The following AP2A1 variants were observed in gnomAD, a reference collection of about 807,000 sequenced individuals.
AP2A1 encodes the protein adaptor related protein complex 2 subunit alpha 1.
AP2A1 carries 21 observed loss-of-function variants against 107.3 expected under a neutral mutation model. The ratio of observed to expected loss-of-function variants is 0.20; its 90% CI spans 0.14 to 0.28. The LOEUF (loss-of-function observed/expected upper bound fraction) is 0.28, where lower values mean the gene tolerates loss of function less well. Ranked by LOEUF, AP2A1 falls within the 10% of genes least tolerant of loss-of-function variation. The pLI is 1.00. For synonymous variants in AP2A1, 602 were observed against 564.8 expected (o/e 1.07, Z -0.93); for missense variants, 873 against 1,307.7 (o/e 0.67, Z 5.13).
rs2084731157 is a variant in AP2A1 at position 49,785,915 on chromosome 19, T to G, written c.473+3191T>G. 6.7e-6 allele frequency among the ~76,000 whole-genome samples: 1 copy of G among 148,212 alleles called. No individual in the cohort carries two copies. Among genetic ancestry groups the G allele is most frequent in the African/African-American group, 2.5e-5 (1 of 40,170 alleles). The stretch of plus-strand genomic sequence containing the variant: ...CTGGGTGACAGAGCGAGACTCCATC[T>G]CAAAAAAAAAAAACATTAGTGGGGT... On this transcript the variant is annotated intron_variant, in intron 4 of 22. Coordinates refer to ENST00000354293, the MANE Select transcript of AP2A1 (RefSeq NM_130787.3). This position sits in a 1 kb window ranked among gnomAD's most constrained non-coding sequence, Gnocchi z 4.1.
At position 49,767,115 on chromosome 19, in the gene AP2A1, A is replaced by G. The variant is rs532037606; in HGVS notation, c.-19A>G. The G allele has an allele frequency of 1.9e-6, 3 of 1,610,004 alleles. No individual in the cohort carries two copies. The African/African-American group carries it at 4.0e-5, about 22-fold the overall frequency. On this transcript the variant is annotated 5_prime_UTR_variant, in exon 1 of 23. Coordinates refer to ENST00000354293, the MANE Select transcript of AP2A1 (RefSeq NM_130787.3). ...CTGTGCCCTGTCCGGCCAGGCCTGGAGCCGACACCACCGCCATCATGCCGG... is the reference window on the plus strand; with the variant it reads ...CTGTGCCCTGTCCGGCCAGGCCTGGGGCCGACACCACCGCCATCATGCCGG...
chr19:49,800,899 C>A (rs2073269996), intron 11 of AP2A1, 62 bp from the exon 12 acceptor site: 3 of 1,415,616 alleles, frequency 2.1e-6, no homozygotes, highest in African/African-American at 2.9e-5. Context: ...GTGGCTGCAC[C>A]CACCGATCCC....
chr19:49,779,499 A>AC (rs1179517555), intron 1 of AP2A1, among the ~76,000 whole-genome samples: 6 of 150,932 alleles, frequency 4.0e-5, no homozygotes, highest in South Asian at 2.1e-4. Flanking sequence ...AAAAAAAAAA[A>AC]AAAAAAAAAA....
At chr19:49,799,205 A>G (rs1257111837) in intron 8 of AP2A1, 122 bp from the exon 9 acceptor site, 13 of 1,275,666 alleles carry the variant, frequency 1.0e-5, no homozygotes, top group Admixed American at 7.1e-5. Context: ...CTGCGATGCA[A>G]GGCCGGCAAG....
chr19:49,787,338 G>GT (rs1418425703), intron 4 of AP2A1, among the ~76,000 whole-genome samples: 967 of 89,542 alleles, frequency 0.011, 65 homozygotes, highest in African/African-American at 0.024. Context: ...TTTTTTGTTT[G>GT]TTTTTTTTGT....
At chr19:49,804,760 T>A (rs984656257) in intron 18 of AP2A1, 2 of 152,238 alleles carry the variant, frequency 1.3e-5, no homozygotes, top group African/African-American at 2.4e-5. Flanking sequence ...TTTCTTTTTT[T>A]AAATAGAGTT....
At chr19:49,795,003 G>A (rs763136635) in intron 6 of AP2A1, among the ~76,000 whole-genome samples, 8 of 152,240 alleles carry the variant, frequency 5.3e-5, no homozygotes, top group African/African-American at 1.4e-4. Flanking sequence ...CCTCTTCCCC[G>A]AACCTCTTCC....
chr19:49,802,989 G>T lies in AP2A1; in HGVS notation c.2155G>T (p.Asp719Tyr), dbSNP rs1355200810. Residue 719 changes from aspartate to tyrosine, a missense_variant, in exon 16 of 23, where the codon GAT becomes TAT. Asp to Tyr is a radical substitution (Grantham distance 160). This residue lies in a region of AP2A1 where 416 missense variants were observed against 473.4 expected (regional missense o/e 0.88). Coordinates refer to ENST00000354293, the MANE Select transcript of AP2A1 (RefSeq NM_130787.3). Reference sequence around the variant, plus strand: ...CATCGGCCCTCCCATTCCGGAAGCCGATGAGTTGCTGAATAAGTGAGTCCT... The same window carrying T: ...CATCGGCCCTCCCATTCCGGAAGCCTATGAGTTGCTGAATAAGTGAGTCCT... ...EDIGPPIPEA[D>Y]ELLNKFVCKN... is the part of the protein sequence containing the mutation. 1.2e-6 allele frequency: 2 copies of T among 1,613,622 alleles called. No homozygotes were observed. The highest frequency in any genetic ancestry group is 1.1e-5 in the South Asian group (1 of 91,022).
chr19:49,795,125 G>A (rs1442674571), intron 6 of AP2A1, among the ~76,000 whole-genome samples: 9 of 152,230 alleles, frequency 5.9e-5, no homozygotes, highest in Non-Finnish European at 8.8e-5. Context: ...TCCAGGAGCC[G>A]GTGCGCTGTG....
chr19:49,776,759 G>A (rs1323692963), intron 1 of AP2A1, among the ~76,000 whole-genome samples: 1 of 152,138 alleles, frequency 6.6e-6, no homozygotes, highest in Non-Finnish European at 1.5e-5. Context: ...TGGCCATCAC[G>A]GGCCTTTAGA....
intron 3 of AP2A1, 125 bp from the exon 4 acceptor site, chr19:49,782,406 G>A: frequency 1.9e-6 from 2 of 1,080,276 alleles, no homozygotes; most frequent in Non-Finnish European, 1.3e-6. Context: ...AGGGAGGAGG[G>A]GCCTGGGGGC....
chr19:49,793,882 C>T (rs1041967094), intron 6 of AP2A1, among the ~76,000 whole-genome samples: 1 of 148,330 alleles, frequency 6.7e-6, no homozygotes, highest in African/African-American at 2.5e-5. Context: ...CCAGCTCGTG[C>T]ATCCACTCAT....
rs780744028 is a variant in AP2A1 at position 49,781,821 on chromosome 19, C to T, written c.132C>T (p.Phe44=). 1.2e-6 allele frequency: 2 copies of T among 1,610,276 alleles called. No homozygotes were observed. The highest frequency in any genetic ancestry group is 2.2e-5 in the South Asian group (2 of 90,410). Residue 44 remains phenylalanine, a synonymous_variant, in exon 2 of 23, where the codon TTC becomes TTT. Transcript: ENST00000354293. ...AACTGGCCAACATCCGCTCCAAGTT[C>T]AAAGGTAGGCTGGGGGCCCAACTTC... ...NKELANIRSK[F]KGDKALDGYS... is the part of the protein sequence containing the mutation.
chr19:49,784,438 A>T (rs1022165005), intron 4 of AP2A1, among the ~76,000 whole-genome samples: 1 of 151,920 alleles, frequency 6.6e-6, no homozygotes, highest in Non-Finnish European at 1.5e-5. Flanking sequence ...TCTCAAAAAA[A>T]AAAAAGAAAA....
intron 8 of AP2A1, 32 bp downstream of exon 8, chr19:49,798,984 C>T (rs897754310): frequency 1.3e-6 from 2 of 1,551,232 alleles, no homozygotes; most frequent in African/African-American, 2.7e-5. Flanking sequence ...GGCCTGATGC[C>T]TGGGGCCAGG....
At chr19:49,787,338 G>GTTTTTTTTTTTTTTT (rs1418425703) in intron 4 of AP2A1, among the ~76,000 whole-genome samples, 13 of 89,716 alleles carry the variant, frequency 1.4e-4, no homozygotes, top group African/African-American at 3.0e-4. Context: ...TTTTTTGTTT[G>GTTTTTTTTTTTTTTT]TTTTTTTTGT....
intron 10 of AP2A1, 36 bp from the exon 11 acceptor site, chr19:49,799,932 C>T: frequency 6.2e-7 from 1 of 1,605,616 alleles, no homozygotes; most frequent in Non-Finnish European, 8.5e-7. Context: ...CCGACATGGC[C>T]TGCGGCACAC....
chr19:49,776,071 C>T (rs1212771032), intron 1 of AP2A1, among the ~76,000 whole-genome samples: 2 of 152,166 alleles, frequency 1.3e-5, no homozygotes, highest in Non-Finnish European at 2.9e-5. Flanking sequence ...CGCACCCGAA[C>T]ACCCCTCACG....
intron 14 of AP2A1, 30 bp from the exon 15 acceptor site, chr19:49,801,951 T>A: frequency 6.8e-7 from 1 of 1,466,450 alleles, no homozygotes; most frequent in Non-Finnish European, 9.0e-7. Context: ...GGGCGCCGCC[T>A]GTCCTCACCG....
Sources: allele counts gnomAD v4.1 joint callset (sites outside exome capture counted in the v4.1 genomes callset), GRCh38; gene constraint gnomAD v4.1.1; regional missense constraint gnomAD v4.1.1; non-coding constraint Gnocchi (gnomAD v3.1); transcripts MANE v1.5; gene names NCBI Gene and HGNC (gene_info 2026-07-23, HGNC 2026-07-21).